Variants in KCNJ3 observed in about 807,000 individuals in gnomAD.
KCNJ3 encodes G protein-activated inward rectifier potassium channel 1.
KCNJ3 carries 4 observed loss-of-function variants against 39.2 expected under a neutral mutation model. The ratio of observed to expected loss-of-function variants is 0.10; its 90% CI spans 0.05 to 0.23. The LOEUF (loss-of-function observed/expected upper bound fraction) is 0.23. Among genes scored for constraint, KCNJ3 ranks in the 10% least tolerant of loss-of-function variants. The pLI is 1.00. For synonymous variants in KCNJ3, 230 were observed against 237.4 expected (o/e 0.97, Z 0.29); for missense variants, 276 against 634.9 (o/e 0.43, Z 6.08).
chr2:154,791,030 G>A (rs1353895710), intron 2 of KCNJ3, among the ~76,000 whole-genome samples: 2 of 152,092 alleles, frequency 1.3e-5, no homozygotes, highest in African/African-American at 2.4e-5. Flanking sequence ...GCTGTTCAGT[G>A]AGTAGAGGGT....
chr2:154,854,113 C>A (rs915162637), intron 2 of KCNJ3, among the ~76,000 whole-genome samples: 3 of 152,132 alleles, frequency 2.0e-5, no homozygotes, highest in Non-Finnish European at 4.4e-5. Flanking sequence ...CCTCCCACCC[C>A]CCATAGCAAT....
At chr2:154,714,016 T>A (rs1184443234) in intron 2 of KCNJ3, among the ~76,000 whole-genome samples, 1 of 152,226 alleles carries the variant, frequency 6.6e-6, no homozygotes, top group Non-Finnish European at 1.5e-5. Flanking sequence ...TCAATTTTTA[T>A]ACATTCCTTT....
chr2:154,777,043 C>T (rs969959479), intron 2 of KCNJ3, among the ~76,000 whole-genome samples: 3 of 56,150 alleles, frequency 5.3e-5, no homozygotes, highest in African/African-American at 1.5e-4. Context: ...CGTACACACG[C>T]ACACACACAC....
At chr2:154,712,196 C>T (rs1423028535) in intron 2 of KCNJ3, among the ~76,000 whole-genome samples, 2 of 152,146 alleles carry the variant, frequency 1.3e-5, no homozygotes, top group African/African-American at 2.4e-5. Flanking sequence ...TTCCAGACCT[C>T]CCTGAGCCTG....
At chr2:154,779,533 T>TTA (rs1399299380) in intron 2 of KCNJ3, among the ~76,000 whole-genome samples, 2 of 142,960 alleles carry the variant, frequency 1.4e-5, no homozygotes, top group African/African-American at 5.0e-5. Flanking sequence ...ATATATATAG[T>TTA]TATATATATA....
chr2:154,737,729 T>C (rs998855854), intron 2 of KCNJ3, among the ~76,000 whole-genome samples: 7 of 152,184 alleles, frequency 4.6e-5, no homozygotes, highest in Non-Finnish European at 1.0e-4. Flanking sequence ...CTGGTGAATT[T>C]GAAGACATGG....
rs551536717 is a variant in KCNJ3 at position 154,817,830 on chromosome 2, T to C, written c.920-36897T>C. On this transcript the variant is annotated intron_variant, in intron 2 of 2. Coordinates refer to ENST00000295101, the MANE Select transcript of KCNJ3 (RefSeq NM_002239.4). ...TCGTATTTTAACCTTTGTTTTACTG[T>C]CCATTAGTTCCTGTACCTTGTATAA... is the stretch of plus-strand genomic sequence containing the variant. Among the ~76,000 whole-genome samples, 181 of 152,316 alleles carry C rather than the reference T, an allele frequency of 1.2e-3. 2 individuals carry two copies. Among genetic ancestry groups the C allele is most frequent in the African/African-American group, 4.3e-3 (177 of 41,580 alleles).
intron 1 of KCNJ3, 128 bp from the exon 2 acceptor site, chr2:154,709,475 T>G: frequency 3.3e-6 from 3 of 913,230 alleles, no homozygotes; most frequent in Non-Finnish European, 5.0e-6. Context: ...TGCATAATGA[T>G]TTGTTTGGAT....
chr2:154,701,822 C>T (rs3111031), intron 1 of KCNJ3, among the ~76,000 whole-genome samples: 4,304 of 152,062 alleles, frequency 0.028, 52 homozygotes, highest in African/African-American at 0.037. Context: ...CTCCCCATGG[C>T]GAAGGGAGAG....
Position 154,699,017 on chromosome 2 carries a change from G to A in KCNJ3, c.242G>A (p.Arg81His). ...ACCACGCTGGTGGACCTCAAGTGGC[G>A]CTGGAACCTCTTCATCTTCATTCTC... is the stretch of plus-strand genomic sequence containing the variant. ...LFTTLVDLKW[R>H]WNLFIFILTY... The change falls in exon 1 of 3, where the codon CGC (arginine) becomes CAC (histidine). Residue 81 changes from arginine (R) to histidine (H), a missense_variant. By Grantham distance (29) the Arg-to-His change is conservative. Coordinates refer to ENST00000295101, the MANE Select transcript of KCNJ3 (RefSeq NM_002239.4). The surrounding 1 kb of genome is among the most constrained non-coding windows in gnomAD (Gnocchi z 6.4). The A allele has an allele frequency of 6.2e-7, 1 of 1,614,200 alleles. No individual in the cohort carries two copies. The highest frequency in any genetic ancestry group is 8.5e-7 in the Non-Finnish European group (1 of 1,180,032).
chr2:154,726,251 TCAAA>T (rs1401526288), intron 2 of KCNJ3, among the ~76,000 whole-genome samples: 1 of 151,528 alleles, frequency 6.6e-6, no homozygotes, highest in African/African-American at 2.4e-5. Context: ...TATAAGAAAC[TCAAA>T]CAAATTAGCA....
chr2:154,746,461 G>T lies in KCNJ3; in HGVS notation c.919+36642G>T, dbSNP rs1055863122. Among the ~76,000 whole-genome samples, 11 of 151,382 alleles carry T rather than the reference G, an allele frequency of 7.3e-5. No individual in the cohort carries two copies. The East Asian group carries it at 2.1e-3, about 29-fold the overall frequency. ...TATAAAATAAAGGCAATGTAAATAGGTGTTATACTATATTGATTTTTATTT... is the reference window on the plus strand; with the variant it reads ...TATAAAATAAAGGCAATGTAAATAGTTGTTATACTATATTGATTTTTATTT... On this transcript the variant is annotated intron_variant, in intron 2 of 2. Coordinates refer to ENST00000295101, the MANE Select transcript of KCNJ3 (RefSeq NM_002239.4).
At chr2:154,794,107 A>T (rs562954223) in intron 2 of KCNJ3, among the ~76,000 whole-genome samples, 16 of 152,036 alleles carry the variant, frequency 1.1e-4, no homozygotes, top group African/African-American at 3.6e-4. Flanking sequence ...TAACTAAAGA[A>T]TCAGATTAAT....
chr2:154,738,321 A>G (rs549919773), intron 2 of KCNJ3, among the ~76,000 whole-genome samples: 4 of 152,234 alleles, frequency 2.6e-5, no homozygotes, highest in African/African-American at 9.6e-5. Context: ...ACAAAAAAGT[A>G]ATTAAAGACT....
At chr2:154,719,840 T>C (rs1332682124) in intron 2 of KCNJ3, among the ~76,000 whole-genome samples, 2 of 152,080 alleles carry the variant, frequency 1.3e-5, no homozygotes, top group East Asian at 3.9e-4. Flanking sequence ...AATGAGTGGA[T>C]AAGGGCTGAG....
intron 2 of KCNJ3, among the ~76,000 whole-genome samples, chr2:154,755,919 T>C (rs1175276275): frequency 6.6e-6 from 1 of 152,096 alleles, no homozygotes; most frequent in East Asian, 1.9e-4. Flanking sequence ...GGATAGTTAA[T>C]AGAGATAAAA....
rs1016230261 is a variant in KCNJ3, at chr2:154,774,380, G to C, written c.919+64561G>C. ...ATGCTCATTTACCTTTTCATCATTT[G>C]CATTGCTTCAAGTGTTTTAATGTAG... On this transcript the variant is annotated intron_variant, in intron 2 of 2. Coordinates refer to ENST00000295101, the MANE Select transcript of KCNJ3 (RefSeq NM_002239.4). Among the ~76,000 whole-genome samples, 3 of 121,970 alleles carry C rather than the reference G, an allele frequency of 2.5e-5. No homozygotes were observed. The East Asian group carries it at 6.0e-4, about 24-fold the overall frequency. 80.0% of individuals were successfully genotyped at this position (121,970 alleles called of 152,430 possible).
chr2:154,775,173 T>TTACTG (rs1686311273), intron 2 of KCNJ3, among the ~76,000 whole-genome samples: 2 of 152,212 alleles, frequency 1.3e-5, no homozygotes, highest in African/African-American at 4.8e-5. Context: ...CACCTCAGCC[T>TTACTG]TCCAAAGTGC....
intron 2 of KCNJ3, among the ~76,000 whole-genome samples, chr2:154,766,813 G>A (rs886633279): frequency 1.3e-5 from 2 of 151,946 alleles, no homozygotes; most frequent in South Asian, 2.1e-4. Context: ...CTCGGCCACC[G>A]AAAGTGCTGG....
Sources: allele counts gnomAD v4.1 joint callset (sites outside exome capture counted in the v4.1 genomes callset), GRCh38; gene constraint gnomAD v4.1.1; non-coding constraint Gnocchi (gnomAD v3.1); transcripts MANE v1.5; gene names NCBI Gene and HGNC (gene_info 2026-07-23, HGNC 2026-07-21).